The following FBXL20 variants were observed in gnomAD, a reference collection of about 807,000 sequenced individuals.
The protein encoded by FBXL20 is F-box/LRR-repeat protein 20.
FBXL20 carries 11 observed loss-of-function variants against 64.0 expected under a neutral mutation model. The ratio of observed to expected loss-of-function variants is 0.17; its 90% CI spans 0.11 to 0.28. FBXL20 has a LOEUF of 0.28. FBXL20 is among the 10% of genes least tolerant of loss of function. The probability of loss-of-function intolerance (pLI) is 1.00; values close to 1 mark genes in which losing one functional copy is unlikely to be tolerated. For synonymous variants in FBXL20, 184 were observed against 189.0 expected (o/e 0.97, Z 0.22); for missense variants, 303 against 526.2 (o/e 0.58, Z 4.15).
At chr17:39,306,037 T>C (rs2047179103) in intron 2 of FBXL20, among the ~76,000 whole-genome samples, 1 of 151,954 alleles carries the variant, frequency 6.6e-6, no homozygotes, top group Admixed American at 6.6e-5. Context: ...TGCTGGTATA[T>C]GCCTGTAGTT....
chr17:39,397,430 G>A (rs918748148), intron 1 of FBXL20, among the ~76,000 whole-genome samples: 20 of 152,160 alleles, frequency 1.3e-4, no homozygotes, highest in African/African-American at 4.6e-4. Flanking sequence ...GTATCTGAAT[G>A]TCAGTTAATG....
chr17:39,396,145 A>G (rs1219913017), intron 1 of FBXL20, among the ~76,000 whole-genome samples: 1 of 151,374 alleles, frequency 6.6e-6, no homozygotes, highest in East Asian at 1.9e-4. Context: ...CTTAAATATT[A>G]TAGTGGCTGT....
At chr17:39,393,573 G>A (rs968075565) in intron 1 of FBXL20, among the ~76,000 whole-genome samples, 1 of 151,444 alleles carries the variant, frequency 6.6e-6, no homozygotes, top group Non-Finnish European at 1.5e-5. Flanking sequence ...TTTTTGTTTT[G>A]ACCAGAAATT....
chr17:39,379,788 T>C (rs1454874618), intron 1 of FBXL20, among the ~76,000 whole-genome samples: 1 of 151,558 alleles, frequency 6.6e-6, no homozygotes, highest in Non-Finnish European at 1.5e-5. Flanking sequence ...CTCAAATAAA[T>C]AAAATAACAT....
chr17:39,287,651 T>C (rs2047000583), intron 6 of FBXL20, among the ~76,000 whole-genome samples: 1 of 152,092 alleles, frequency 6.6e-6, no homozygotes, highest in Admixed American at 6.6e-5. Context: ...GTGATCCTCT[T>C]GCCTTGGCCT....
chr17:39,330,279 A>G (rs557585881), intron 2 of FBXL20, among the ~76,000 whole-genome samples: 98 of 151,596 alleles, frequency 6.5e-4, no homozygotes, highest in Non-Finnish European at 1.2e-3. Context: ...CCTGGGCAAC[A>G]GAGCAAGACT....
chr17:39,335,111 G>A (rs933184689), intron 2 of FBXL20, among the ~76,000 whole-genome samples: 1 of 152,154 alleles, frequency 6.6e-6, no homozygotes, highest in African/African-American at 2.4e-5. Context: ...CTCTAGCTGT[G>A]CAGCTGCAAG....
In FBXL20 at chr17:39,254,257, G is replaced by C. The variant is rs1425922222; in HGVS notation, c.*7203C>G. 6.6e-6 allele frequency: 1 copy of C among 152,196 alleles called. No individual in the cohort carries two copies. Among genetic ancestry groups the C allele is most frequent in the Non-Finnish European group, 1.5e-5 (1 of 68,058 alleles). The allele number at this position is 152,196 out of a possible 1,614,324, so 9.4% of individuals were successfully genotyped here. A position where few individuals can be genotyped will look rare whatever the true frequency, so the allele number is the denominator to read the frequency against. On this transcript the variant is annotated 3_prime_UTR_variant, in exon 15 of 15. Transcript: ENST00000264658. ...AGATGGGGTTTCACCATGTTGGCCA[G>C]GCTGTTCTCAAACTCCTGACACTTT...
intron 2 of FBXL20, among the ~76,000 whole-genome samples, chr17:39,304,040 A>G (rs1218994128): frequency 6.9e-6 from 1 of 144,734 alleles, no homozygotes; most frequent in East Asian, 2.0e-4. Flanking sequence ...ATATACACAC[A>G]CAAACACAAA....
chr17:39,317,804 C>T (rs1169095908), intron 2 of FBXL20, among the ~76,000 whole-genome samples: 6 of 150,670 alleles, frequency 4.0e-5, no homozygotes, highest in African/African-American at 1.5e-4. Flanking sequence ...CAGGTTCACG[C>T]CATTCTTCTG....
At chr17:39,269,184 TATTTC>T (rs1178698334) in intron 11 of FBXL20, among the ~76,000 whole-genome samples, 2 of 151,522 alleles carry the variant, frequency 1.3e-5, no homozygotes, top group Non-Finnish European at 2.9e-5. Flanking sequence ...CTAATTTTTG[TATTTC>T]TTTTCTTTTT....
chr17:39,339,956 T>G (rs1226197872), intron 2 of FBXL20, among the ~76,000 whole-genome samples: 1 of 151,810 alleles, frequency 6.6e-6, no homozygotes, highest in East Asian at 1.9e-4. Flanking sequence ...TTTTTTTTTT[T>G]GAAATGCAGT....
intron 2 of FBXL20, among the ~76,000 whole-genome samples, chr17:39,323,103 G>T (rs1019636827): frequency 7.2e-5 from 11 of 152,078 alleles, no homozygotes; most frequent in Non-Finnish European, 1.6e-4. Flanking sequence ...CCGAGTAGCT[G>T]AGACTACATG....
chr17:39,374,548 A>T (rs2047949130), intron 1 of FBXL20, among the ~76,000 whole-genome samples: 2 of 152,120 alleles, frequency 1.3e-5, no homozygotes, highest in African/African-American at 4.8e-5. Context: ...CTCAAAAAAA[A>T]AAAATTGCTA....
chr17:39,385,089 G>A (rs1482893671), intron 1 of FBXL20, among the ~76,000 whole-genome samples: 1 of 152,210 alleles, frequency 6.6e-6, no homozygotes, highest in Non-Finnish European at 1.5e-5. Flanking sequence ...ATGCATGGTG[G>A]TGCATGCCTG....
rs534455307 is a variant in FBXL20 at position 39,307,285 on chromosome 17, G to A, written c.105-3646C>T. ...AATATATGAGAAAATTTCAATTAGT[G>A]ATGAGTACTATAAAAAACATAAAGC... On this transcript the variant is annotated intron_variant, in intron 2 of 14. Transcript: ENST00000264658. 2.2e-5 allele frequency among the ~76,000 whole-genome samples: 3 copies of A among 137,808 alleles called. No homozygotes were observed. In the East Asian group the frequency reaches 6.1e-4, roughly 28 times the overall value. The allele number at this position is 137,808 out of a possible 152,430, so 90.4% of individuals were successfully genotyped here.
At chr17:39,322,974 T>A (rs1343839516) in intron 2 of FBXL20, among the ~76,000 whole-genome samples, 1 of 145,764 alleles carries the variant, frequency 6.9e-6, no homozygotes, top group East Asian at 2.0e-4. Flanking sequence ...CCAGCTAATT[T>A]TTTTTTTTTT....
Position 39,260,554 on chromosome 17 carries a change from G to A in FBXL20, c.*906C>T, listed in dbSNP as rs536731046. ...TGCTTTCATTAGAGTTTCCTTGCAG[G>A]TTGGCAAAGATTCAGGCAGGGTCCC... On this transcript the variant is annotated 3_prime_UTR_variant, in exon 15 of 15. Transcript: ENST00000264658. 6.6e-6 allele frequency: 1 copy of A among 152,380 alleles called. No homozygotes were observed. The highest frequency in any genetic ancestry group is 1.9e-4 in the East Asian group (1 of 5,312). The allele number at this position is 152,380 out of a possible 1,614,324, so 9.4% of individuals were successfully genotyped here.
intron 2 of FBXL20, among the ~76,000 whole-genome samples, chr17:39,336,755 C>G (rs905687541): frequency 2.0e-5 from 3 of 150,390 alleles, no homozygotes; most frequent in Non-Finnish European, 4.4e-5. Context: ...ACCTGGGAGG[C>G]AGAGGTTGCA....
Sources: allele counts gnomAD v4.1 joint callset (sites outside exome capture counted in the v4.1 genomes callset), GRCh38; gene constraint gnomAD v4.1.1; transcripts MANE v1.5; gene names NCBI Gene and HGNC (gene_info 2026-07-23, HGNC 2026-07-21).